The following SLC25A26 variants were observed in gnomAD, a reference collection of about 807,000 sequenced individuals.
SLC25A26 encodes solute carrier family 25 member 26.
Under a neutral mutation model 37.8 loss-of-function variants are expected in SLC25A26, and 36 were observed. The observed-to-expected ratio is 0.95, with a 90% CI of 0.73 to 1.26. The LOEUF (loss-of-function observed/expected upper bound fraction) is 1.26. Ranked by LOEUF, SLC25A26 falls within the 50% of genes most tolerant of loss-of-function variation. The pLI is 0.00. For missense variants in SLC25A26, 390 were observed against 331.1 expected, an observed-to-expected ratio of 1.18 and a Z score of -1.38; for synonymous variants, 129 against 122.5, an observed-to-expected ratio of 1.05 and a Z score of -0.35.
chr3:66,359,683 C>T (rs990213364), intron 6 of SLC25A26, among the ~76,000 whole-genome samples: 8 of 152,128 alleles, frequency 5.3e-5, no homozygotes, highest in African/African-American at 1.2e-4. Flanking sequence ...AAAGAAAAAG[C>T]GATTCCATTG....
At chr3:66,253,942 T>C (rs1213955679) in intron 3 of SLC25A26, among the ~76,000 whole-genome samples, 1 of 152,204 alleles carries the variant, frequency 6.6e-6, no homozygotes, top group Non-Finnish European at 1.5e-5. Flanking sequence ...TGTGAACAAA[T>C]TGTAGACACA....
chr3:66,212,370 C>T, intron 1 of SLC25A26, among the ~76,000 whole-genome samples: 1 of 152,038 alleles, frequency 6.6e-6, no homozygotes, highest in East Asian at 1.9e-4. Flanking sequence ...CCCATCTCGG[C>T]CTCCCAAAGT....
At chr3:66,213,642 A>G (rs2071318695) in intron 1 of SLC25A26, among the ~76,000 whole-genome samples, 1 of 152,158 alleles carries the variant, frequency 6.6e-6, no homozygotes, top group Non-Finnish European at 1.5e-5. Flanking sequence ...CATTACCCCA[A>G]ATCCACAGTT....
chr3:66,215,428 T>C (rs2071345859), intron 1 of SLC25A26, among the ~76,000 whole-genome samples: 1 of 152,216 alleles, frequency 6.6e-6, no homozygotes, highest in Non-Finnish European at 1.5e-5. Flanking sequence ...CTTGAATTCC[T>C]GGACTCAAGT....
intron 7 of SLC25A26, among the ~76,000 whole-genome samples, chr3:66,369,025 C>CAAAA (rs1201555171): frequency 6.1e-5 from 2 of 32,956 alleles, no homozygotes; most frequent in Non-Finnish European, 5.4e-5. Flanking sequence ...CCTGTCTTTT[C>CAAAA]AAAAAAAAAA....
At chr3:66,346,301 G>C (rs1213181569) in intron 5 of SLC25A26, 63 bp from the exon 6 acceptor site, 1 of 774,982 alleles carries the variant, frequency 1.3e-6, no homozygotes, top group Non-Finnish European at 2.1e-6. Context: ...GGCTCGTATA[G>C]TCATACAGGC....
rs1407196854 is a variant in SLC25A26, at chr3:66,378,151, C to T, written c.*344C>T. 5.3e-6 allele frequency: 1 copy of T among 189,834 alleles called. No individual in the cohort carries two copies. Among genetic ancestry groups the T allele is most frequent in the African/African-American group, 2.3e-5 (1 of 43,070 alleles). The allele number at this position is 189,834 out of a possible 1,614,324, so 11.8% of individuals were successfully genotyped here. A position where few individuals can be genotyped will look rare whatever the true frequency, so the allele number is the denominator to read the frequency against. ...ATTTCCTGCCACCTGATGGTGGATTCAGCAGAAGGCAAGATGGTTATAATT... is the reference window on the plus strand; with the variant it reads ...ATTTCCTGCCACCTGATGGTGGATTTAGCAGAAGGCAAGATGGTTATAATT... On this transcript the variant is annotated 3_prime_UTR_variant, in exon 10 of 10. Transcript: ENST00000354883.
At chr3:66,204,296 G>A (rs1167482629) in intron 1 of SLC25A26, among the ~76,000 whole-genome samples, 1 of 151,686 alleles carries the variant, frequency 6.6e-6, no homozygotes, top group Non-Finnish European at 1.5e-5. Context: ...CGTAGTGGCG[G>A]TCGCCTGTAG....
In SLC25A26 at chr3:66,370,574, G is replaced by A; in HGVS notation, c.679G>A (p.Gly227Arg). 3 of 1,613,882 alleles carry A rather than the reference G, an allele frequency of 1.9e-6. No homozygotes were observed. Among genetic ancestry groups the A allele is most frequent in the Non-Finnish European group, 2.5e-6 (3 of 1,179,852 alleles). ...ADGNVLSVLHGVWRSQGLAGL... is the reference protein window; with the variant it reads ...ADGNVLSVLHRVWRSQGLAGL... ...TGGGAATGTGCTCTCTGTCCTGCAT[G>A]GGGTCTGGCGGTCACAGGGGCTGGC... The change falls in exon 9 of 10, where the codon GGG becomes AGG. Residue 227 changes from glycine (G) to arginine (R), a missense_variant. Physicochemically the swap from Gly to Arg is moderately radical, Grantham distance 125. Transcript: ENST00000354883.
intron 1 of SLC25A26, among the ~76,000 whole-genome samples, chr3:66,206,109 G>A (rs1429881638): frequency 6.6e-6 from 1 of 152,118 alleles, no homozygotes; most frequent in Non-Finnish European, 1.5e-5. Context: ...TAGCTCAGTT[G>A]TGCCTGCAAA....
chr3:66,234,736 A>G (rs1576676308), intron 1 of SLC25A26, among the ~76,000 whole-genome samples: 1 of 152,230 alleles, frequency 6.6e-6, no homozygotes, highest in African/African-American at 2.4e-5. Context: ...CAAGCTTTGT[A>G]GCATTGCACA....
At chr3:66,215,081 C>A (rs941563422) in intron 1 of SLC25A26, among the ~76,000 whole-genome samples, 1 of 152,090 alleles carries the variant, frequency 6.6e-6, no homozygotes, top group African/African-American at 2.4e-5. Flanking sequence ...GCCTAGAGAG[C>A]GCCACTACAT....
At chr3:66,185,519 C>T (rs1288922629) in intron 1 of SLC25A26, among the ~76,000 whole-genome samples, 2 of 152,052 alleles carry the variant, frequency 1.3e-5, no homozygotes, top group Non-Finnish European at 2.9e-5. Flanking sequence ...GAGGAACCAA[C>T]CATATTGTTT....
chr3:66,347,450 C>T (rs1477919559), intron 6 of SLC25A26, among the ~76,000 whole-genome samples: 3 of 152,016 alleles, frequency 2.0e-5, no homozygotes, highest in East Asian at 1.9e-4. Context: ...GTCACAATGG[C>T]GATTATTAAA....
intron 5 of SLC25A26, among the ~76,000 whole-genome samples, chr3:66,313,665 T>C (rs996601175): frequency 6.6e-6 from 1 of 152,214 alleles, no homozygotes; most frequent in African/African-American, 2.4e-5. Context: ...AGAATGTTAA[T>C]GGTAGTTTAA....
intron 6 of SLC25A26, among the ~76,000 whole-genome samples, chr3:66,349,479 CT>C (rs67964339): frequency 3.4e-5 from 5 of 149,008 alleles, no homozygotes; most frequent in Non-Finnish European, 6.0e-5. Context: ...TTGTGCTTTG[CT>C]TTTTTTTTTA....
At chr3:66,138,627 G>A (rs946573451) in intron 1 of SLC25A26, among the ~76,000 whole-genome samples, 8 of 151,624 alleles carry the variant, frequency 5.3e-5, no homozygotes, top group African/African-American at 1.7e-4. Context: ...ACAATTTGGT[G>A]GGAGGATTGA....
At chr3:66,249,050 A>G (rs2072971679) in intron 3 of SLC25A26, among the ~76,000 whole-genome samples, 1 of 152,234 alleles carries the variant, frequency 6.6e-6, no homozygotes, top group African/African-American at 2.4e-5. Context: ...TAGTAGGTGC[A>G]CAACACTGGG....
intron 1 of SLC25A26, among the ~76,000 whole-genome samples, chr3:66,155,903 C>T (rs564480358): frequency 4.6e-5 from 7 of 152,244 alleles, no homozygotes; most frequent in Admixed American, 4.6e-4. Context: ...GAGACCAGAC[C>T]ACTCCACTCT....
Sources: allele counts gnomAD v4.1 joint callset (sites outside exome capture counted in the v4.1 genomes callset), GRCh38; gene constraint gnomAD v4.1.1; transcripts MANE v1.5; gene names NCBI Gene and HGNC (gene_info 2026-07-23, HGNC 2026-07-21).